ANKRD26: variants seen among roughly 807,000 people sequenced by gnomAD.
The protein encoded by ANKRD26 is ankyrin repeat domain-containing protein 26.
ANKRD26 carries 141 observed loss-of-function variants against 208.7 expected under a neutral mutation model. The ratio of observed to expected loss-of-function variants is 0.68; its 90% CI spans 0.59 to 0.78. The LOEUF (loss-of-function observed/expected upper bound fraction) is 0.78. Ranked by LOEUF, ANKRD26 falls within the 30% of genes least tolerant of loss-of-function variation. ANKRD26 has a pLI of 0.00. For synonymous variants in ANKRD26, 636 were observed against 660.4 expected, an observed-to-expected ratio of 0.96 and a Z score of 0.57; for missense variants, 1,889 against 1,938.7, an observed-to-expected ratio of 0.97 and a Z score of 0.48.
In ANKRD26 at chr10:27,044,096, C is replaced by G. The variant is rs887940695; in HGVS notation, c.2019+61G>C. 10 of 1,220,466 alleles carry G rather than the reference C, an allele frequency of 8.2e-6. No homozygotes were observed. In the African/African-American group the frequency reaches 1.6e-4, roughly 19 times the overall value. 75.6% of individuals were successfully genotyped at this position (1,220,466 alleles called of 1,614,324 possible). ...GGTGTGAGCCACTGTGCCCAGCCCA[C>G]TTTATCTTTTATAATGTATTTTTTT... On this transcript the variant is annotated intron_variant, in intron 19 of 33. Transcript: ENST00000376087.
chr10:26,975,203 T>C (rs1249101672), exon 6 of ANKRD26, among the ~76,000 whole-genome samples: 1 of 152,116 alleles, frequency 6.6e-6, no homozygotes. Context: ...TTTCTGAGAA[T>C]TGAATTTATG....
chr10:27,007,607 G>T (rs2134820231), intron 32 of ANKRD26, among the ~76,000 whole-genome samples: 1 of 152,310 alleles, frequency 6.6e-6, no homozygotes, highest in East Asian at 1.9e-4. Flanking sequence ...AGTGAGCCGA[G>T]ATTGCACCAC....
intron 1 of ANKRD26, among the ~76,000 whole-genome samples, chr10:27,098,346 T>C (rs1489237880): frequency 2.6e-5 from 4 of 151,880 alleles, no homozygotes; most frequent in African/African-American, 9.7e-5. Flanking sequence ...ATAAAAGTTG[T>C]CAGACGATAG....
chr10:27,033,596 G>T (rs1156981758), intron 24 of ANKRD26, among the ~76,000 whole-genome samples: 1 of 152,058 alleles, frequency 6.6e-6, no homozygotes, highest in African/African-American at 2.4e-5. Flanking sequence ...TAGGTATGAC[G>T]TTACTTAAAC....
At chr10:27,003,581 G>A (rs2052773888), downstream of ANKRD26, among the ~76,000 whole-genome samples, 1 of 152,132 alleles carries the variant, frequency 6.6e-6, no homozygotes, top group South Asian at 2.1e-4. Flanking sequence ...AAACATGGCA[G>A]GATGTTGACT....
chr10:27,082,358 A>G (rs1387007854), intron 6 of ANKRD26, among the ~76,000 whole-genome samples: 4 of 152,236 alleles, frequency 2.6e-5, no homozygotes, highest in Admixed American at 6.5e-5. Context: ...TTGATGATAA[A>G]GTCAAAGTAC....
chr10:27,096,589 C>A (rs2056471870), intron 1 of ANKRD26, among the ~76,000 whole-genome samples: 1 of 151,234 alleles, frequency 6.6e-6, no homozygotes, highest in Non-Finnish European at 1.5e-5. Context: ...CGTGGTGAAA[C>A]CCCGTCTCTA....
the ANKRD26 span, among the ~76,000 whole-genome samples, chr10:26,963,633 C>A: frequency 6.6e-6 from 1 of 152,110 alleles, no homozygotes; most frequent in Non-Finnish European, 1.5e-5. Context: ...GGGATTGGTT[C>A]CAGGAATCCC....
At chr10:27,077,607 G>GATTCAGTGAA in intron 8 of ANKRD26, 26 bp downstream of exon 8, 1 of 1,612,356 alleles carries the variant, frequency 6.2e-7, no homozygotes, top group Non-Finnish European at 8.5e-7. Context: ...AATAACACAA[G>GATTCAGTGAA]AATAAGCAGT....
chr10:27,049,085 T>C, intron 16 of ANKRD26, 106 bp from the exon 17 acceptor site: 5 of 975,166 alleles, frequency 5.1e-6, no homozygotes, highest in Non-Finnish European at 7.5e-6. Flanking sequence ...ATGGTAACTT[T>C]AGCCAATAAA....
the ANKRD26 span, among the ~76,000 whole-genome samples, chr10:26,951,013 C>CTTTTTTT: frequency 2.9e-4 from 29 of 100,916 alleles, 5 homozygotes; most frequent in African/African-American, 1.4e-3. Context: ...CTTTTCTTTT[C>CTTTTTTT]TTTTTCTTTT....
At chr10:27,081,081 T>C in intron 6 of ANKRD26, 1 of 354,570 alleles carries the variant, frequency 2.8e-6, no homozygotes. Flanking sequence ...CTGTAGAGAC[T>C]CTTCCCAGTG....
intron 11 of ANKRD26, among the ~76,000 whole-genome samples, chr10:27,065,532 CA>C (rs2055206716): frequency 6.6e-6 from 1 of 151,988 alleles, no homozygotes; most frequent in Non-Finnish European, 1.5e-5. Flanking sequence ...TTCACGTTTA[CA>C]AAAAGTACCC....
At chr10:27,024,914 A>T (rs1285070973) in intron 27 of ANKRD26, among the ~76,000 whole-genome samples, 1 of 152,178 alleles carries the variant, frequency 6.6e-6, no homozygotes. Context: ...GTTTTTGTTA[A>T]ATCAAATCTT....
chr10:27,061,559 A>ATT (rs11399797), intron 12 of ANKRD26, among the ~76,000 whole-genome samples: 4,199 of 134,188 alleles, frequency 0.031, 261 homozygotes, highest in East Asian at 0.17. Flanking sequence ...TGCAACATCT[A>ATT]TTTTTTTTTT....
intron 27 of ANKRD26, among the ~76,000 whole-genome samples, chr10:27,025,471 G>A (rs7087089): frequency 0.2 from 30,408 of 151,942 alleles, 3,648 homozygotes; most frequent in East Asian, 0.56. Context: ...TGCTCATCAG[G>A]CTCTAATATT....
intron 5 of ANKRD26, among the ~76,000 whole-genome samples, chr10:26,976,631 C>T (rs546813127): frequency 7.2e-5 from 11 of 152,148 alleles, no homozygotes; most frequent in East Asian, 3.9e-4. Flanking sequence ...GAAGGGAGGG[C>T]GGTTTGTTTG....
chr10:26,999,093 T>C (rs2052661665), intron 4 of ANKRD26, among the ~76,000 whole-genome samples: 1 of 152,152 alleles, frequency 6.6e-6, no homozygotes, highest in African/African-American at 2.4e-5. Flanking sequence ...CCCATTTTGC[T>C]CCTCTCCAGA....
rs770749364 is a variant in ANKRD26, at chr10:27,033,298, G to A, written c.3734C>T (p.Thr1245Met). ...TTCTAAATTAATACGATAACGTGAC[G>A]TAACCTCCAGTGAAGCCTCTGACAT... Reference protein sequence around the residue: ...QSMSEASLEVTSRYRINLEDE... With the variant: ...QSMSEASLEVMSRYRINLEDE... The change falls in exon 25 of 34, where the codon ACG becomes ATG. Residue 1245 changes from threonine (T) to methionine (M), a missense_variant. Around this residue, in one of 3 missense-constraint regions of ANKRD26, gnomAD observed 613 missense variants for 648.2 expected, o/e 0.95. Coordinates refer to ENST00000376087, the MANE Select transcript of ANKRD26 (RefSeq NM_014915.3). 5.5e-5 allele frequency: 88 copies of A among 1,612,430 alleles called. 1 individual carries two copies. In the East Asian group the frequency reaches 1.7e-3, roughly 31 times the overall value.
Sources: allele counts gnomAD v4.1 joint callset (sites outside exome capture counted in the v4.1 genomes callset), GRCh38; gene constraint gnomAD v4.1.1; regional missense constraint gnomAD v4.1.1; transcripts MANE v1.5; gene names NCBI Gene and HGNC (gene_info 2026-07-23, HGNC 2026-07-21).